The following NCKAP5 variants were observed in gnomAD, a reference collection of about 807,000 sequenced individuals.
The protein encoded by NCKAP5 is NCK associated protein 5.
Under a neutral mutation model 167.0 loss-of-function variants are expected in NCKAP5, and 92 were observed. That is an observed-to-expected ratio of 0.55 (90% CI 0.47 to 0.66). The LOEUF (loss-of-function observed/expected upper bound fraction) is 0.66. NCKAP5 is among the 30% of genes least tolerant of loss of function. The probability of loss-of-function intolerance (pLI) is 0.00; values close to 1 mark genes in which losing one functional copy is unlikely to be tolerated. For missense variants in NCKAP5, 2,378 were observed against 2,315.0 expected (o/e 1.03, Z -0.56); for synonymous variants, 891 against 877.4 (o/e 1.02, Z -0.27).
At chr2:133,498,596 G>A (rs1682189772) in intron 3 of NCKAP5, among the ~76,000 whole-genome samples, 1 of 149,806 alleles carries the variant, frequency 6.7e-6, no homozygotes, top group Non-Finnish European at 1.5e-5. Context: ...AGGGAGAAGG[G>A]AAAAATGGGA....
chr2:133,533,000 G>A (rs905912402), intron 2 of NCKAP5, among the ~76,000 whole-genome samples: 1 of 152,104 alleles, frequency 6.6e-6, no homozygotes, highest in Non-Finnish European at 1.5e-5. Context: ...TAATCAGCAG[G>A]GCTTGTGGCT....
chr2:133,496,623 G>T (rs758278613), intron 3 of NCKAP5, among the ~76,000 whole-genome samples: 4 of 152,156 alleles, frequency 2.6e-5, no homozygotes, highest in Non-Finnish European at 4.4e-5. Flanking sequence ...TCAGCAACTT[G>T]TTAGAAATGC....
chr2:133,317,431 G>T (rs192570783), intron 3 of NCKAP5, among the ~76,000 whole-genome samples: 3 of 152,100 alleles, frequency 2.0e-5, no homozygotes, highest in South Asian at 4.1e-4. Context: ...ATAAAGAACT[G>T]TTCTCTACTG....
At chr2:132,752,578 T>C (rs1680209009) in intron 16 of NCKAP5, among the ~76,000 whole-genome samples, 1 of 152,250 alleles carries the variant, frequency 6.6e-6, no homozygotes, top group South Asian at 2.1e-4. Flanking sequence ...TAGTTTTCTT[T>C]GGCCTGGATG....
the NCKAP5 span, among the ~76,000 whole-genome samples, chr2:133,634,399 A>T: frequency 6.6e-6 from 1 of 152,178 alleles, no homozygotes; most frequent in African/African-American, 2.4e-5. Flanking sequence ...TGCCTGCCAC[A>T]ATATGTTAGT....
At chr2:133,182,301 A>G (rs1462615716) in intron 5 of NCKAP5, among the ~76,000 whole-genome samples, 2 of 152,234 alleles carry the variant, frequency 1.3e-5, no homozygotes, top group African/African-American at 4.8e-5. Flanking sequence ...ATACAAAAGT[A>G]CATAAAATAC....
intron 3 of NCKAP5, among the ~76,000 whole-genome samples, chr2:133,381,041 AAGAT>A (rs377078728): frequency 9.2e-5 from 14 of 152,352 alleles, no homozygotes; most frequent in African/African-American, 2.6e-4. Context: ...AACACAGTAA[AAGAT>A]AGATAGTCAA....
At chr2:133,168,309 A>G (rs2084089219) in intron 5 of NCKAP5, among the ~76,000 whole-genome samples, 1 of 143,626 alleles carries the variant, frequency 7.0e-6, no homozygotes, top group Admixed American at 7.0e-5. Flanking sequence ...TTGACCACAG[A>G]TGTTGCCTGA....
chr2:133,606,428 T>C, the NCKAP5 span, among the ~76,000 whole-genome samples: 2 of 152,228 alleles, frequency 1.3e-5, no homozygotes, highest in African/African-American at 2.4e-5. Flanking sequence ...CTGTAGGTTC[T>C]AGGAGGAAGC....
intron 7 of NCKAP5, among the ~76,000 whole-genome samples, chr2:132,990,274 C>T (rs1334646233): frequency 3.9e-5 from 6 of 152,176 alleles, no homozygotes; most frequent in African/African-American, 1.4e-4. Context: ...TATATTTTGG[C>T]TTCTATTACG....
intron 8 of NCKAP5, among the ~76,000 whole-genome samples, chr2:132,934,162 T>C (rs1696660973): frequency 6.6e-6 from 1 of 152,214 alleles, no homozygotes; most frequent in Non-Finnish European, 1.5e-5. Context: ...AATCTTGCCC[T>C]GAGGACCAAC....
At chr2:133,181,574 C>T (rs2084733807) in intron 5 of NCKAP5, among the ~76,000 whole-genome samples, 2 of 136,398 alleles carry the variant, frequency 1.5e-5, no homozygotes, top group African/African-American at 5.6e-5. Context: ...CAGGGCCAGC[C>T]TCAGCAACAT....
intron 6 of NCKAP5, among the ~76,000 whole-genome samples, chr2:133,086,516 T>C (rs547076478): frequency 1.3e-5 from 2 of 151,946 alleles, no homozygotes; most frequent in Non-Finnish European, 2.9e-5. Flanking sequence ...GTGGTGTGTG[T>C]CTATAGTCCC....
chr2:132,833,069 T>A (rs1687632012), intron 11 of NCKAP5, among the ~76,000 whole-genome samples: 4 of 152,146 alleles, frequency 2.6e-5, no homozygotes, highest in Admixed American at 6.5e-5. Context: ...TAATAGTAAC[T>A]AGGGTAAGAT....
chr2:133,599,640 G>A, the NCKAP5 span, among the ~76,000 whole-genome samples: 2 of 152,242 alleles, frequency 1.3e-5, no homozygotes, highest in Admixed American at 1.3e-4. Context: ...AGCCTTGACT[G>A]TGTGGACTGA....
intron 5 of NCKAP5, among the ~76,000 whole-genome samples, chr2:133,150,646 A>G (rs184896272): frequency 3.9e-5 from 6 of 152,278 alleles, no homozygotes; most frequent in Admixed American, 1.3e-4. Flanking sequence ...TGGTTTGCTG[A>G]TGGGAGTTTA....
chr2:133,428,736 T>C (rs2151117124), intron 3 of NCKAP5, among the ~76,000 whole-genome samples: 1 of 152,126 alleles, frequency 6.6e-6, no homozygotes, highest in South Asian at 2.1e-4. Context: ...GGGCAAAGAA[T>C]ACAAACACAC....
chr2:132,926,355 T>C (rs1695888725), intron 8 of NCKAP5: 1 of 165,670 alleles, frequency 6.0e-6, no homozygotes, highest in Non-Finnish European at 1.3e-5. Context: ...TATCTTTTTA[T>C]ATGATGATTT....
At chr2:133,604,664 C>T in the NCKAP5 span, among the ~76,000 whole-genome samples, 1 of 152,058 alleles carries the variant, frequency 6.6e-6, no homozygotes. Context: ...CTCAAACTCT[C>T]CTGACTGTGT....
Sources: gnomAD v4.1 joint callset for allele counts (sites outside exome capture counted in the v4.1 genomes callset) on GRCh38, gnomAD v4.1.1 for gene constraint, MANE v1.5 for transcripts, NCBI Gene and HGNC (gene_info 2026-07-23, HGNC 2026-07-21) for gene names.